The following OSBPL10 variants were observed in gnomAD, a reference collection of about 807,000 sequenced individuals.
OSBPL10 encodes the protein oxysterol-binding protein-related protein 10.
OSBPL10 carries 49 observed loss-of-function variants against 81.7 expected under a neutral mutation model. That is an observed-to-expected ratio of 0.60 (90% CI 0.48 to 0.76). The LOEUF (loss-of-function observed/expected upper bound fraction) is 0.76. Among genes scored for constraint, OSBPL10 ranks in the 30% least tolerant of loss-of-function variants. The pLI, the probability that OSBPL10 is intolerant of heterozygous loss-of-function variation, is 0.00. For synonymous variants in OSBPL10, 419 were observed against 383.6 expected, an observed-to-expected ratio of 1.09 and a Z score of -1.08; for missense variants, 923 against 987.8, an observed-to-expected ratio of 0.93 and a Z score of 0.88.
chr3:31,852,445 G>A (rs1184579016), intron 3 of OSBPL10, among the ~76,000 whole-genome samples: 1 of 152,128 alleles, frequency 6.6e-6, no homozygotes, highest in South Asian at 2.1e-4. Flanking sequence ...GAAAACCCTG[G>A]GATGAGGTGA....
intron 9 of OSBPL10, 124 bp downstream of exon 9, chr3:31,670,673 G>A: frequency 1.7e-6 from 2 of 1,145,612 alleles, no homozygotes; most frequent in Non-Finnish European, 2.5e-6. Context: ...TTTTGGAAAA[G>A]ACCTTAACAA....
chr3:31,887,092 A>T (rs1449230321), intron 1 of OSBPL10, among the ~76,000 whole-genome samples: 1 of 152,054 alleles, frequency 6.6e-6, no homozygotes, highest in Non-Finnish European at 1.5e-5. Flanking sequence ...GGTTCCCACT[A>T]AAAGATTTGC....
At position 31,990,772 on chromosome 3, in the gene OSBPL10, C is replaced by T. The variant is rs765251711; in HGVS notation, n.298+55719G>A. ...TAAGAGAATTCATACTGGAGAGAAA[C>T]CTTACAAATGTGATGATTTTGACGA... On this transcript the variant is annotated intron_variant and non_coding_transcript_variant, in intron 2 of 3. Coordinates refer to the OSBPL10 transcript ENST00000479173. 24 of 1,613,362 alleles carry T rather than the reference C, an allele frequency of 1.5e-5. No homozygotes were observed. Among genetic ancestry groups the T allele is most frequent in the Non-Finnish European group, 1.9e-5 (22 of 1,179,630 alleles).
At chr3:31,943,967 C>CAAAAAAAAAAAAAAAAAAAAAAA (rs55770286) in intron 1 of OSBPL10, among the ~76,000 whole-genome samples, 2 of 37,778 alleles carry the variant, frequency 5.3e-5, no homozygotes, top group African/African-American at 1.3e-4. Context: ...GACTCCGTCT[C>CAAAAAAAAAAAAAAAAAAAAAAA]AAAAAAAAAA....
intron 8 of OSBPL10, among the ~76,000 whole-genome samples, chr3:31,674,764 T>TTC (rs1700421300): frequency 1.3e-5 from 2 of 152,182 alleles, no homozygotes; most frequent in Non-Finnish European, 1.5e-5. Flanking sequence ...AGTGCCATGC[T>TTC]TTTTGTACAG....
At chr3:31,683,596 T>C (rs985752658) in intron 8 of OSBPL10, 38 bp downstream of exon 8, 3 of 1,586,108 alleles carry the variant, frequency 1.9e-6, no homozygotes, top group Non-Finnish European at 2.6e-6. Context: ...GAAACGTCAC[T>C]GTGTAAGAGC....
chr3:31,748,091 C>G lies in OSBPL10; in HGVS notation c.759G>C (p.Lys253Asn), dbSNP rs1697589451. ...GGGACTCAATGGCGTGCACAAGGTT[C>G]TTCTGCTGCCCTTCCACCTGGTTCA... is the stretch of plus-strand genomic sequence containing the variant. Reference protein sequence around the residue: ...EMMNQVEGQQKNLVHAIESLP... With the variant: ...EMMNQVEGQQNNLVHAIESLP... Residue 253 changes from lysine to asparagine, a missense_variant, in exon 5 of 12, where the codon AAG (lysine) becomes AAC (asparagine). By Grantham distance (94) the Lys-to-Asn change is moderately conservative (BLOSUM62 0). Coordinates refer to ENST00000396556, the MANE Select transcript of OSBPL10 (RefSeq NM_017784.5). 6.2e-7 allele frequency: 1 copy of G among 1,613,898 alleles called. No individual in the cohort carries two copies. The highest frequency in any genetic ancestry group is 8.5e-7 in the Non-Finnish European group (1 of 1,179,906).
At chr3:31,926,968 G>T in intron 1 of OSBPL10, among the ~76,000 whole-genome samples, 1 of 152,238 alleles carries the variant, frequency 6.6e-6, no homozygotes, top group Non-Finnish European at 1.5e-5. Flanking sequence ...AAAATTAGCT[G>T]GGTATGGTGG....
At chr3:31,808,895 C>A (rs1011577317) in intron 4 of OSBPL10, among the ~76,000 whole-genome samples, 2 of 152,224 alleles carry the variant, frequency 1.3e-5, no homozygotes, top group African/African-American at 4.8e-5. Flanking sequence ...ATATCATACA[C>A]ATGCAATAAT....
intron 2 of OSBPL10, among the ~76,000 whole-genome samples, chr3:31,877,308 C>T (rs1701499434): frequency 1.3e-5 from 2 of 152,128 alleles, no homozygotes; most frequent in Non-Finnish European, 2.9e-5. Flanking sequence ...TTTTAGTATG[C>T]TCTCAAAGAT....
At chr3:31,974,458 C>T (rs1698641850) in intron 1 of OSBPL10, among the ~76,000 whole-genome samples, 1 of 152,300 alleles carries the variant, frequency 6.6e-6, no homozygotes, top group East Asian at 1.9e-4. Flanking sequence ...AGCATTGTGA[C>T]CCTATGAATA....
At chr3:32,016,579 A>G (rs1699315104) in intron 2 of OSBPL10, among the ~76,000 whole-genome samples, 1 of 152,244 alleles carries the variant, frequency 6.6e-6, no homozygotes. Context: ...CATGTACCCT[A>G]AAACTTAAAG....
chr3:31,682,644 G>C (rs368576696), intron 8 of OSBPL10, among the ~76,000 whole-genome samples: 1 of 152,032 alleles, frequency 6.6e-6, no homozygotes, highest in Non-Finnish European at 1.5e-5. Flanking sequence ...GGTCTTCCCC[G>C]GACCCCCACC....
At chr3:31,990,527 A>T (rs1179289790) in intron 2 of OSBPL10, 1 of 1,612,760 alleles carries the variant, frequency 6.2e-7, no homozygotes, top group Non-Finnish European at 8.5e-7. Flanking sequence ...AAACCTTACA[A>T]GTGTAATGAG....
At chr3:31,817,440 A>C (rs922729204) in intron 4 of OSBPL10, among the ~76,000 whole-genome samples, 12 of 152,154 alleles carry the variant, frequency 7.9e-5, no homozygotes, top group Non-Finnish European at 1.5e-4. Flanking sequence ...TGCACCAGGG[A>C]GTTCCCACCC....
At chr3:32,010,266 G>T (rs1457451103) in intron 2 of OSBPL10, among the ~76,000 whole-genome samples, 1 of 152,102 alleles carries the variant, frequency 6.6e-6, no homozygotes, top group Admixed American at 6.5e-5. Flanking sequence ...AACCAAGACT[G>T]CCAGTGCCTT....
intron 4 of OSBPL10, among the ~76,000 whole-genome samples, chr3:31,812,790 G>GAA: frequency 2.2e-5 from 1 of 46,272 alleles, no homozygotes; most frequent in East Asian, 8.6e-4. Flanking sequence ...AAGAAAGAAA[G>GAA]AAAGAAAGAA....
At chr3:31,925,290 G>A (rs1697038767) in intron 1 of OSBPL10, among the ~76,000 whole-genome samples, 2 of 151,736 alleles carry the variant, frequency 1.3e-5, no homozygotes, top group Admixed American at 6.6e-5. Context: ...TCATCATATG[G>A]CATACAAGAC....
intron 1 of OSBPL10, among the ~76,000 whole-genome samples, chr3:31,937,815 G>C (rs1697422084): frequency 6.6e-6 from 1 of 152,022 alleles, no homozygotes; most frequent in Non-Finnish European, 1.5e-5. Context: ...TCCACTCTTG[G>C]GTAAAATTTA....
Sources: gnomAD v4.1 joint callset for allele counts (sites outside exome capture counted in the v4.1 genomes callset) on GRCh38, gnomAD v4.1.1 for gene constraint, MANE v1.5 for transcripts, NCBI Gene and HGNC (gene_info 2026-07-23, HGNC 2026-07-21) for gene names.